The following CELSR1 variants were observed in gnomAD, a reference collection of about 807,000 sequenced individuals.
CELSR1 encodes the protein cadherin EGF LAG seven-pass G-type receptor 1.
A neutral mutation model predicts 249.1 loss-of-function variants in CELSR1; 110 were observed. That is an observed-to-expected ratio of 0.44 (90% CI 0.38 to 0.52). The LOEUF (loss-of-function observed/expected upper bound fraction) is 0.52, where lower values mean the gene tolerates loss of function less well. CELSR1 is among the 20% of genes least tolerant of loss of function. The pLI is 0.00. For missense variants in CELSR1, 4,109 were observed against 4,296.4 expected, an observed-to-expected ratio of 0.96 and a Z score of 1.22; for synonymous variants, 2,113 against 1,900.0, an observed-to-expected ratio of 1.11 and a Z score of -2.92.
At position 46,365,199 on chromosome 22, in the gene CELSR1, C is replaced by T. The variant is rs774118766; in HGVS notation, c.8554+32G>A. The T allele has an allele frequency of 9.4e-6, 15 of 1,603,142 alleles. 2 individuals carry two copies. The highest frequency in any genetic ancestry group is 2.0e-4 in the Middle Eastern group (1 of 4,950). On this transcript the variant is annotated intron_variant, in intron 32 of 34. Coordinates refer to ENST00000674500, the MANE Select transcript of CELSR1 (RefSeq NM_001378328.1). Reference sequence around the variant, plus strand: ...CTGCCCCGAGCCCGCTGTCCACAGCCCAGCCTGGCCCAATGTGCCCCACAC... The same window carrying T: ...CTGCCCCGAGCCCGCTGTCCACAGCTCAGCCTGGCCCAATGTGCCCCACAC...
chr22:46,450,351 G>A (rs912462795), intron 2 of CELSR1, among the ~76,000 whole-genome samples: 1 of 152,252 alleles, frequency 6.6e-6, no homozygotes, highest in Non-Finnish European at 1.5e-5. Context: ...AGACAGGGCA[G>A]GGCCACATGG....
At position 46,434,811 on chromosome 22, in the gene CELSR1, A is replaced by G. The variant is rs1451817900; in HGVS notation, c.4523-1330T>C. 2.0e-5 allele frequency among the ~76,000 whole-genome samples: 3 copies of G among 152,152 alleles called. No homozygotes were observed. The highest frequency in any genetic ancestry group is 7.2e-5 in the African/African-American group (3 of 41,446). On this transcript the variant is annotated intron_variant, in intron 4 of 34. Transcript: ENST00000674500. The surrounding 1 kb of genome is among the most constrained non-coding windows in gnomAD (Gnocchi z 4.9). ...CAGGAGTTCAAGACCAGCCTGGCCA[A>G]CACAGTGAAACCCTGTCTCTACTAA...
chr22:46,369,669 T>C (rs756612300), intron 26 of CELSR1, 23 bp downstream of exon 26: 2 of 1,599,136 alleles, frequency 1.3e-6, no homozygotes, highest in Admixed American at 1.7e-5. Context: ...GCACCCGGAC[T>C]CCCGTGAAGG....
At position 46,364,668 on chromosome 22, in the gene CELSR1, C is replaced by T. The variant is rs1275762063; in HGVS notation, c.8623G>A (p.Asp2875Asn). ...DQSLAESDSEDPSGKPRLKVE... is the reference protein window; with the variant it reads ...DQSLAESDSENPSGKPRLKVE... ...TTCAGGCGGGGCTTGCCGCTGGGGT[C>T]CTCACTGTCACTCTCAGCCAGGCTC... The change falls in exon 33 of 35, where the codon GAC becomes AAC. Residue 2875 changes from aspartate to asparagine, a missense_variant. Physicochemically the swap from Asp to Asn is conservative, Grantham distance 23. Coordinates refer to ENST00000674500, the MANE Select transcript of CELSR1 (RefSeq NM_001378328.1). 1 of 1,612,660 alleles carries T rather than the reference C, an allele frequency of 6.2e-7. No homozygotes were observed. The highest frequency in any genetic ancestry group is 1.3e-5 in the African/African-American group (1 of 75,062).
intron 1 of CELSR1, among the ~76,000 whole-genome samples, chr22:46,511,055 A>C (rs2080568099): frequency 6.6e-6 from 1 of 152,112 alleles, no homozygotes; most frequent in African/African-American, 2.4e-5. Flanking sequence ...CGGAGGTTGC[A>C]GTGAGCTGAG....
At chr22:46,373,697 G>A in intron 24 of CELSR1, among the ~76,000 whole-genome samples, 1 of 134,666 alleles carries the variant, frequency 7.4e-6, no homozygotes, top group African/African-American at 3.1e-5. Context: ...GGGGAGAAGG[G>A]GGAGATGGGG....
chr22:46,474,788 C>CTTTTTTTTTTTTTTTT lies in CELSR1; in HGVS notation c.3545-10459_3545-10444dup, dbSNP rs55932520. Among the ~76,000 whole-genome samples the CTTTTTTTTTTTTTTTT allele has an allele frequency of 6.7e-5, 6 of 89,636 alleles. 1 individual carries two copies. The highest frequency in any genetic ancestry group is 9.8e-5 in the Non-Finnish European group (5 of 50,860). The allele number at this position is 89,636 out of a possible 152,430, so 58.8% of individuals were successfully genotyped here. A position where few individuals can be genotyped will look rare whatever the true frequency, so the allele number is the denominator to read the frequency against. On this transcript the variant is annotated intron_variant, in intron 1 of 34. Transcript: ENST00000674500. ...GTGACCATTATTCTACTCTCTACTTCTTTTTTTTTTTTTTTTTTGAGACGG... is the reference window on the plus strand; with the variant it reads ...GTGACCATTATTCTACTCTCTACTTCTTTTTTTTTTTTTTTTTTTTTTTTTTTTTTTTTTGAGACGG...
At chr22:46,377,753 C>T (rs866680757) in intron 23 of CELSR1, 2 of 177,638 alleles carry the variant, frequency 1.1e-5, no homozygotes, top group Non-Finnish European at 2.4e-5. Context: ...GGGGCAGAGG[C>T]GGGTCAGCTT....
chr22:46,519,481 C>T (rs1013666988), intron 1 of CELSR1, among the ~76,000 whole-genome samples: 2 of 152,232 alleles, frequency 1.3e-5, no homozygotes, highest in African/African-American at 4.8e-5. Context: ...ATTTGGGAGC[C>T]CCCGGGTTGG....
At chr22:46,392,989 G>C (rs2079109609) in intron 14 of CELSR1, among the ~76,000 whole-genome samples, 1 of 152,212 alleles carries the variant, frequency 6.6e-6, no homozygotes, top group Admixed American at 6.5e-5. Context: ...ACCCAGGAGA[G>C]CTGTTTAATT....
Position 46,473,253 on chromosome 22 carries a change from G to A in CELSR1, c.3545-8908C>T, listed in dbSNP as rs184760353. Among the ~76,000 whole-genome samples, 12 of 152,312 alleles carry A rather than the reference G, an allele frequency of 7.9e-5. No homozygotes were observed. The East Asian group carries it at 1.4e-3, about 17-fold the overall frequency. On this transcript the variant is annotated intron_variant, in intron 1 of 34. Coordinates refer to ENST00000674500, the MANE Select transcript of CELSR1 (RefSeq NM_001378328.1). The surrounding 1 kb of genome is among the most constrained non-coding windows in gnomAD (Gnocchi z 6.6). ...CAAAGAAGCTGAATGTGCCTGGTAA[G>A]GTGACTCGGGCTGAGTGGCGGGGCC...
chr22:46,414,974 C>T (rs897444729), intron 5 of CELSR1, among the ~76,000 whole-genome samples: 2 of 152,106 alleles, frequency 1.3e-5, no homozygotes, highest in Admixed American at 6.6e-5. Flanking sequence ...CACAACGGTG[C>T]GGGGGTCCCG....
At chr22:46,467,771 G>A (rs542954751) in intron 1 of CELSR1, among the ~76,000 whole-genome samples, 38 of 152,038 alleles carry the variant, frequency 2.5e-4, no homozygotes, top group African/African-American at 8.7e-4. Context: ...GCAGTGAGCC[G>A]AGATCACGCC....
chr22:46,456,197 G>C (rs925519705), intron 2 of CELSR1, among the ~76,000 whole-genome samples: 1 of 152,230 alleles, frequency 6.6e-6, no homozygotes, highest in African/African-American at 2.4e-5. Context: ...AAGCCACAGC[G>C]AGCACTGGCC....
At position 46,464,613 on chromosome 22, in the gene CELSR1, T is replaced by A. The variant is rs2080077069; in HGVS notation, c.3545-268A>T. On this transcript the variant is annotated intron_variant, in intron 1 of 34. Coordinates refer to ENST00000674500, the MANE Select transcript of CELSR1 (RefSeq NM_001378328.1). The surrounding 1 kb of genome is among the most constrained non-coding windows in gnomAD (Gnocchi z 8.5). The stretch of plus-strand genomic sequence containing the variant: ...TTCCTAAAGCACAGCTCCGATCACA[T>A]CTTTCTCTGGCTCCGAATCCCTCAG... Among the ~76,000 whole-genome samples the A allele has an allele frequency of 2.6e-5, 4 of 151,810 alleles. No individual in the cohort carries two copies. The South Asian group carries it at 6.3e-4, about 24-fold the overall frequency.
chr22:46,536,709 G>C lies in CELSR1; in HGVS notation c.462C>G (p.Pro154=), dbSNP rs1239958268. 1 of 1,175,612 alleles carries C rather than the reference G, an allele frequency of 8.5e-7. No homozygotes were observed. Among genetic ancestry groups the C allele is most frequent in the Non-Finnish European group, 1.0e-6 (1 of 953,360 alleles). The allele number at this position is 1,175,612 out of a possible 1,614,324, so 72.8% of individuals were successfully genotyped here. Reference sequence around the variant, plus strand: ...TGGGGCGCGGCGGGCAGCGGCAGGCGGGTAAGGTGGTCGGAGCTGCGAGCG... The same window carrying C: ...TGGGGCGCGGCGGGCAGCGGCAGGCCGGTAAGGTGGTCGGAGCTGCGAGCG... ...HSALAAPTTL[P]ACRCPPRPRP... The change falls in exon 1 of 35, where the codon CCC becomes CCG. Residue 154 remains proline (P), a synonymous_variant. Transcript: ENST00000674500.
intron 2 of CELSR1, chr22:46,462,640 G>T (rs2080043975): frequency 1.2e-5 from 2 of 169,850 alleles, no homozygotes; most frequent in Non-Finnish European, 2.2e-5. Flanking sequence ...ATCCCAGAGA[G>T]CTTTCAAAAA....
rs569335900 is a variant in CELSR1, at chr22:46,434,286, C to G, written c.4523-805G>C. ...CCCTTGAGCTCCTGCTGGAGTGGGG[C>G]GGGCGAGTCCCTTTGGGGATTCTGG... On this transcript the variant is annotated intron_variant, in intron 4 of 34. Coordinates refer to ENST00000674500, the MANE Select transcript of CELSR1 (RefSeq NM_001378328.1). The surrounding 1 kb of genome is among the most constrained non-coding windows in gnomAD (Gnocchi z 4.9). Among the ~76,000 whole-genome samples, 2 of 152,188 alleles carry G rather than the reference C, an allele frequency of 1.3e-5. No homozygotes were observed. Among genetic ancestry groups the G allele is most frequent in the East Asian group, 1.9e-4 (1 of 5,188 alleles).
intron 27 of CELSR1, among the ~76,000 whole-genome samples, chr22:46,368,790 G>A (rs767631576): frequency 3.1e-4 from 47 of 151,978 alleles, no homozygotes; most frequent in Non-Finnish European, 5.9e-4. Flanking sequence ...CAGTGGGGTG[G>A]GGGGGTCTCC....
Sources: gnomAD v4.1 joint callset for allele counts (sites outside exome capture counted in the v4.1 genomes callset) on GRCh38, gnomAD v4.1.1 for gene constraint, Gnocchi (gnomAD v3.1) non-coding constraint, MANE v1.5 for transcripts, NCBI Gene and HGNC (gene_info 2026-07-23, HGNC 2026-07-21) for gene names.